Variants in CDH12 observed in about 807,000 individuals in gnomAD.
CDH12 encodes cadherin 12, also known as cadherin-12.
In CDH12, 41 loss-of-function variants were observed where a neutral mutation model predicts 74.1. The ratio of observed to expected loss-of-function variants is 0.55; its 90% CI spans 0.43 to 0.72. The LOEUF (loss-of-function observed/expected upper bound fraction) is 0.72, where lower values mean the gene tolerates loss of function less well. Among genes scored for constraint, CDH12 ranks in the 30% least tolerant of loss-of-function variants. The pLI is 0.00. For missense variants in CDH12, 945 were observed against 977.2 expected (o/e 0.97, Z 0.44); for synonymous variants, 399 against 355.0 (o/e 1.12, Z -1.39).
chr5:22,051,937 C>T (rs1484504556), intron 5 of CDH12, among the ~76,000 whole-genome samples: 1 of 152,076 alleles, frequency 6.6e-6, no homozygotes, highest in Non-Finnish European at 1.5e-5. Context: ...CTATTACTTG[C>T]AGATTATGTA....
rs565249862 is a variant in CDH12, at chr5:22,596,577, A to G, written c.-522-91213T>C. ...ATCTGAGTTCATCAAATGACTCAGG[A>G]TTGACTAATAATGTTGGCCAGAAAC... On this transcript the variant is annotated intron_variant, in intron 1 of 14. Coordinates refer to ENST00000382254, the MANE Select transcript of CDH12 (RefSeq NM_004061.5). 1.1e-4 allele frequency among the ~76,000 whole-genome samples: 16 copies of G among 152,324 alleles called. 1 individual carries two copies. In the East Asian group the frequency reaches 1.5e-3, roughly 15 times the overall value.
At chr5:21,861,615 C>CTGA (rs1249481658) in intron 6 of CDH12, among the ~76,000 whole-genome samples, 2 of 151,972 alleles carry the variant, frequency 1.3e-5, no homozygotes, top group East Asian at 3.9e-4. Flanking sequence ...AATTTTTAAC[C>CTGA]AATTTCCTTT....
At chr5:21,925,230 A>G (rs1273028309) in intron 6 of CDH12, among the ~76,000 whole-genome samples, 2 of 152,212 alleles carry the variant, frequency 1.3e-5, no homozygotes, top group African/African-American at 4.8e-5. Flanking sequence ...TGTGAAAAGA[A>G]GACAGTTTGA....
chr5:22,458,068 T>C (rs1261253), intron 2 of CDH12, among the ~76,000 whole-genome samples: 71,581 of 151,552 alleles, frequency 0.47, 17,277 homozygotes, highest in Admixed American at 0.64. Flanking sequence ...TTAGTAGAGA[T>C]GGGGTTTCAC....
At chr5:22,401,143 T>A (rs572112158) in intron 3 of CDH12, among the ~76,000 whole-genome samples, 5 of 152,210 alleles carry the variant, frequency 3.3e-5, no homozygotes, top group Non-Finnish European at 7.3e-5. Flanking sequence ...CTCAGACAAC[T>A]ATTTCAACTT....
At chr5:22,117,037 C>T (rs1203101200) in intron 4 of CDH12, among the ~76,000 whole-genome samples, 1 of 150,746 alleles carries the variant, frequency 6.6e-6, no homozygotes, top group East Asian at 2.0e-4. Context: ...GGTAGAGTGA[C>T]AAATAGGGGT....
At chr5:22,375,817 G>A (rs1487059632) in intron 3 of CDH12, among the ~76,000 whole-genome samples, 1 of 149,424 alleles carries the variant, frequency 6.7e-6, no homozygotes, top group Admixed American at 6.7e-5. Context: ...AAAAAAAACA[G>A]ATGCTAACGA....
At chr5:22,238,083 ACCCTGTT>A (rs1440116937) in intron 3 of CDH12, among the ~76,000 whole-genome samples, 1 of 152,152 alleles carries the variant, frequency 6.6e-6, no homozygotes, top group East Asian at 1.9e-4. Context: ...TTCTTGATTG[ACCCTGTT>A]CTGAATGCCA....
chr5:22,506,016 C>T (rs271096), intron 1 of CDH12, among the ~76,000 whole-genome samples: 140,667 of 152,070 alleles, frequency 0.93, 65,188 homozygotes, highest in Admixed American at 0.97. Context: ...CTTGGTCAGC[C>T]GACTGGAGTC....
intron 1 of CDH12, among the ~76,000 whole-genome samples, chr5:22,801,785 T>C (rs2126419590): frequency 6.6e-6 from 1 of 151,108 alleles, no homozygotes; most frequent in Non-Finnish European, 1.5e-5. Flanking sequence ...GTTTCTGTCC[T>C]GTATTTATTT....
At chr5:22,315,376 C>A (rs1406282215) in intron 3 of CDH12, among the ~76,000 whole-genome samples, 2 of 151,558 alleles carry the variant, frequency 1.3e-5, no homozygotes, top group Non-Finnish European at 2.9e-5. Context: ...GATTTTGTGA[C>A]GATGAGTTTA....
At chr5:21,779,427 T>C (rs1745785745) in intron 11 of CDH12, 1 of 152,150 alleles carries the variant, frequency 6.6e-6, no homozygotes, top group Admixed American at 6.6e-5. Context: ...CATTTGCCTG[T>C]TGAAACTTTC....
intron 6 of CDH12, among the ~76,000 whole-genome samples, chr5:21,971,780 T>C (rs1426283896): frequency 6.6e-6 from 1 of 152,126 alleles, no homozygotes; most frequent in Non-Finnish European, 1.5e-5. Context: ...CTCCAAGGAT[T>C]TGCTTTGACT....
intron 1 of CDH12, among the ~76,000 whole-genome samples, chr5:22,665,303 A>G (rs528629489): frequency 4.3e-4 from 66 of 152,322 alleles, no homozygotes; most frequent in Admixed American, 1.4e-3. Context: ...CAAGCATCTC[A>G]TAGGAATGCA....
intron 3 of CDH12, among the ~76,000 whole-genome samples, chr5:22,276,086 T>G (rs181393284): frequency 6.6e-6 from 1 of 152,210 alleles, no homozygotes; most frequent in Non-Finnish European, 1.5e-5. Flanking sequence ...GAGGTTGGAA[T>G]GTATAATTCA....
intron 3 of CDH12, among the ~76,000 whole-genome samples, chr5:22,303,476 T>G (rs78495269): frequency 0.042 from 6,442 of 152,120 alleles, 469 homozygotes; most frequent in African/African-American, 0.15. Context: ...CAATAAAATA[T>G]TTTTCTAACT....
At chr5:22,582,962 G>A (rs1740180439) in intron 1 of CDH12, among the ~76,000 whole-genome samples, 1 of 152,056 alleles carries the variant, frequency 6.6e-6, no homozygotes, top group South Asian at 2.1e-4. Context: ...TGAAACCCCT[G>A]CTGCTAAAGG....
Position 22,150,229 on chromosome 5 carries a change from T to G in CDH12, c.-187+62269A>C, listed in dbSNP as rs1207916964. Among the ~76,000 whole-genome samples the G allele has an allele frequency of 4.6e-5, 7 of 152,020 alleles. No individual in the cohort carries two copies. The East Asian group carries it at 1.4e-3, about 29-fold the overall frequency. On this transcript the variant is annotated intron_variant, in intron 4 of 14. Coordinates refer to ENST00000382254, the MANE Select transcript of CDH12 (RefSeq NM_004061.5). ...TTGTGAAATGTTTGTCTTCCTTGTC[T>G]GCTAACACTTTTTAATATGACAATT...
intron 3 of CDH12, among the ~76,000 whole-genome samples, chr5:22,315,343 G>C (rs1738586916): frequency 6.6e-6 from 1 of 151,660 alleles, no homozygotes; most frequent in Non-Finnish European, 1.5e-5. Flanking sequence ...AAAAACCCTG[G>C]AGTCCATGCA....
Sources: gnomAD v4.1 joint callset for allele counts (sites outside exome capture counted in the v4.1 genomes callset) on GRCh38, gnomAD v4.1.1 for gene constraint, MANE v1.5 for transcripts, NCBI Gene and HGNC (gene_info 2026-07-23, HGNC 2026-07-21) for gene names.